ADGRL4: variants seen among roughly 807,000 people sequenced by gnomAD.
ADGRL4 encodes the protein adhesion G protein-coupled receptor L4.
A neutral mutation model predicts 74.8 loss-of-function variants in ADGRL4; 90 were observed. That is an observed-to-expected ratio of 1.20 (90% CI 1.02 to 1.43). The LOEUF (loss-of-function observed/expected upper bound fraction) is 1.43. Among genes scored for constraint, ADGRL4 ranks in the 40% most tolerant of loss-of-function variants. The pLI is 0.00. For synonymous variants in ADGRL4, 311 were observed against 279.2 expected (o/e 1.11, Z -1.14); for missense variants, 881 against 814.3 (o/e 1.08, Z -1.00).
chr1:79,006,584 G>A (rs865928050), intron 1 of ADGRL4, 49 bp downstream of exon 1: 1 of 1,532,680 alleles, frequency 6.5e-7, no homozygotes, highest in Non-Finnish European at 8.8e-7. Context: ...CCCCTACAAG[G>A]GATTGGTCCC....
chr1:78,927,639 T>C (rs1363449005), intron 7 of ADGRL4, among the ~76,000 whole-genome samples: 1 of 152,072 alleles, frequency 6.6e-6, no homozygotes, highest in African/African-American at 2.4e-5. Flanking sequence ...GCTTGAGAGA[T>C]GGCCATTTAT....
intron 2 of ADGRL4, among the ~76,000 whole-genome samples, chr1:78,948,716 A>G (rs753275673): frequency 6.6e-6 from 1 of 152,158 alleles, no homozygotes; most frequent in Non-Finnish European, 1.5e-5. Flanking sequence ...ATGAATGCAT[A>G]AAATAGAAAT....
At chr1:78,975,017 T>C (rs557589984) in intron 2 of ADGRL4, among the ~76,000 whole-genome samples, 149 of 152,302 alleles carry the variant, frequency 9.8e-4, no homozygotes, top group Non-Finnish European at 1.9e-3. Context: ...CTGTTTCATA[T>C]GGTGAATAAA....
intron 2 of ADGRL4, among the ~76,000 whole-genome samples, chr1:78,971,769 T>C (rs906585399): frequency 1.3e-5 from 2 of 149,336 alleles, no homozygotes; most frequent in African/African-American, 2.5e-5. Flanking sequence ...TTTGTTGTTG[T>C]TTTTGAGATG....
intron 2 of ADGRL4, among the ~76,000 whole-genome samples, chr1:78,962,677 CAT>C (rs1649979187): frequency 6.6e-6 from 1 of 151,832 alleles, no homozygotes; most frequent in Non-Finnish European, 1.5e-5. Flanking sequence ...TATTTTGTTT[CAT>C]ATATAGAGAT....
intron 2 of ADGRL4, among the ~76,000 whole-genome samples, chr1:78,989,788 T>C (rs879883541): frequency 1.3e-5 from 2 of 151,966 alleles, no homozygotes; most frequent in African/African-American, 4.8e-5. Context: ...TTATCACTTA[T>C]TAAAGCCTTT....
At chr1:78,989,464 A>C (rs1650560471) in intron 2 of ADGRL4, among the ~76,000 whole-genome samples, 1 of 150,444 alleles carries the variant, frequency 6.6e-6, no homozygotes, top group Non-Finnish European at 1.5e-5. Context: ...TAATTAAATA[A>C]ATTTTTATTT....
At chr1:78,948,177 C>G (rs1170276952) in intron 2 of ADGRL4, among the ~76,000 whole-genome samples, 1 of 152,072 alleles carries the variant, frequency 6.6e-6, no homozygotes, top group Non-Finnish European at 1.5e-5. Flanking sequence ...ATTTTAATCC[C>G]TAGCATTTGA....
In ADGRL4 at chr1:79,006,671, G is replaced by A. The variant is rs773724293; in HGVS notation, c.-17C>T. The A allele has an allele frequency of 1.8e-5, 27 of 1,487,562 alleles. No individual in the cohort carries two copies. The highest frequency in any genetic ancestry group is 1.8e-4 in the Middle Eastern group (1 of 5,522). The allele number at this position is 1,487,562 out of a possible 1,614,324, so 92.1% of individuals were successfully genotyped here. ...GCGTTTCATTGGCGGTGGCCGCAGTGGTGGCGGTGGCGGAGAGCGCGGCGG... is the reference window on the plus strand; with the variant it reads ...GCGTTTCATTGGCGGTGGCCGCAGTAGTGGCGGTGGCGGAGAGCGCGGCGG... On this transcript the variant is annotated 5_prime_UTR_variant, in exon 1 of 15. Coordinates refer to ENST00000370742, the MANE Select transcript of ADGRL4 (RefSeq NM_022159.4).
At chr1:78,922,560 C>A (rs963757740) in intron 8 of ADGRL4, among the ~76,000 whole-genome samples, 1 of 152,018 alleles carries the variant, frequency 6.6e-6, no homozygotes, top group Non-Finnish European at 1.5e-5. Context: ...AATCATAACA[C>A]TATACCTAAT....
intron 2 of ADGRL4, among the ~76,000 whole-genome samples, chr1:78,970,195 C>T (rs1008243652): frequency 6.6e-6 from 1 of 152,150 alleles, no homozygotes; most frequent in Non-Finnish European, 1.5e-5. Context: ...CCCCAAGACA[C>T]ATTTTTGTCC....
At chr1:78,925,572 G>A (rs963104362) in intron 8 of ADGRL4, among the ~76,000 whole-genome samples, 1 of 151,936 alleles carries the variant, frequency 6.6e-6, no homozygotes, top group African/African-American at 2.4e-5. Context: ...GGGAAAAAAT[G>A]GGAGCGAAAT....
chr1:78,937,370 A>G lies in ADGRL4; in HGVS notation c.760+437T>C, dbSNP rs370910369. 2.0e-5 allele frequency among the ~76,000 whole-genome samples: 3 copies of G among 152,314 alleles called. No homozygotes were observed. The East Asian group carries it at 5.8e-4, about 29-fold the overall frequency. ...TGAGACAGGAGAATTGCTTGAAACC[A>G]GAAGGTGGAGGTTGCAGTGAGCTGA... On this transcript the variant is annotated intron_variant, in intron 6 of 14. Transcript: ENST00000370742.
Position 78,891,685 on chromosome 1 carries a change from C to T in ADGRL4, c.1849G>A (p.Ala617Thr). 1.2e-6 allele frequency: 2 copies of T among 1,610,058 alleles called. No individual in the cohort carries two copies. Among genetic ancestry groups the T allele is most frequent in the Non-Finnish European group, 8.5e-7 (1 of 1,178,652 alleles). ...VSCFENIRSC[A>T]RGALALLFLL... ...AACAGAAGAGCGAGGGCTCCTCTTGCACAAGACCTATCACATATGAGAAAT... is the reference window on the plus strand; with the variant it reads ...AACAGAAGAGCGAGGGCTCCTCTTGTACAAGACCTATCACATATGAGAAAT... The change falls in exon 14 of 15, where the codon GCA becomes ACA. Residue 617 changes from alanine (A) to threonine (T), a missense_variant. By Grantham distance (58) the Ala-to-Thr change is moderately conservative. Coordinates refer to ENST00000370742, the MANE Select transcript of ADGRL4 (RefSeq NM_022159.4).
At chr1:78,995,104 T>A (rs770601497) in intron 2 of ADGRL4, among the ~76,000 whole-genome samples, 29 of 152,068 alleles carry the variant, frequency 1.9e-4, no homozygotes, top group Admixed American at 3.3e-4. Flanking sequence ...TTCAAAGGAG[T>A]ACTCTCAATC....
At chr1:78,917,586 A>G (rs1457446968) in intron 12 of ADGRL4, 48 bp downstream of exon 12, 3 of 1,306,956 alleles carry the variant, frequency 2.3e-6, no homozygotes, top group Non-Finnish European at 3.2e-6. Context: ...TAAGCACCCT[A>G]TGATCATCAC....
At chr1:78,993,087 A>G (rs1650640347) in intron 2 of ADGRL4, among the ~76,000 whole-genome samples, 1 of 152,152 alleles carries the variant, frequency 6.6e-6, no homozygotes. Context: ...ACACTTAAGG[A>G]GGGTTAAAAT....
intron 12 of ADGRL4, among the ~76,000 whole-genome samples, chr1:78,913,034 A>T (rs1173488277): frequency 6.6e-6 from 1 of 152,022 alleles, no homozygotes; most frequent in Non-Finnish European, 1.5e-5. Context: ...GCATATGAAA[A>T]AATGTTCACT....
At chr1:78,981,744 G>A (rs943800323) in intron 2 of ADGRL4, among the ~76,000 whole-genome samples, 1 of 151,650 alleles carries the variant, frequency 6.6e-6, no homozygotes, top group East Asian at 1.9e-4. Context: ...AAAAGTGTCT[G>A]CTATGAATAA....
Sources: allele counts gnomAD v4.1 joint callset (sites outside exome capture counted in the v4.1 genomes callset), GRCh38; gene constraint gnomAD v4.1.1; transcripts MANE v1.5; gene names NCBI Gene and HGNC (gene_info 2026-07-23, HGNC 2026-07-21).